ULK2: variants seen among roughly 807,000 people sequenced by gnomAD.
The protein encoded by ULK2 is unc-51 like autophagy activating kinase 2.
In ULK2, 76 loss-of-function variants were observed where a neutral mutation model predicts 127.5. The observed-to-expected ratio is 0.60, with a 90% CI of 0.50 to 0.72. ULK2 has a LOEUF of 0.72. ULK2 is among the 30% of genes least tolerant of loss of function. The pLI is 0.00. For missense variants in ULK2, 1,144 were observed against 1,295.9 expected (o/e 0.88, Z 1.80); for synonymous variants, 452 against 461.9 (o/e 0.98, Z 0.28).
intron 13 of ULK2, among the ~76,000 whole-genome samples, chr17:19,814,323 T>C (rs1225921743): frequency 6.7e-6 from 1 of 150,114 alleles, no homozygotes; most frequent in East Asian, 1.9e-4. Flanking sequence ...AAGTTGTTTG[T>C]ACCAATATAT....
chr17:19,794,653 A>G (rs2087225769), intron 20 of ULK2, among the ~76,000 whole-genome samples: 1 of 152,092 alleles, frequency 6.6e-6, no homozygotes, highest in African/African-American at 2.4e-5. Flanking sequence ...TCTTTGGATT[A>G]GAAAGAAACG....
chr17:19,798,915 C>T (rs1156752806), intron 17 of ULK2, among the ~76,000 whole-genome samples: 1 of 152,112 alleles, frequency 6.6e-6, no homozygotes, highest in Non-Finnish European at 1.5e-5. Context: ...GTAATCCCAG[C>T]ACTTTGGGAG....
intron 10 of ULK2, among the ~76,000 whole-genome samples, chr17:19,831,283 C>T (rs1442754252): frequency 1.3e-5 from 2 of 151,940 alleles, no homozygotes; most frequent in Admixed American, 1.3e-4. Flanking sequence ...TCCCACCAAG[C>T]CCCTCCCCAT....
In ULK2 at chr17:19,771,582, GATACAGGATTGCTGAGCCCTTCCA is replaced by G. The variant is rs1417333706; in HGVS notation, c.*4743_*4766del. Reference sequence around the variant, plus strand: ...CCACAGAGTGATGACCACTACAACGGATACAGGATTGCTGAGCCCTTCCACGTGCCAGGGGCTGGGCAAAGAATT... The same window carrying G: ...CCACAGAGTGATGACCACTACAACGGCGTGCCAGGGGCTGGGCAAAGAATT... On this transcript the variant is annotated 3_prime_UTR_variant, in exon 27 of 27. Coordinates refer to ENST00000395544, the MANE Select transcript of ULK2 (RefSeq NM_014683.4). The G allele has an allele frequency of 2.0e-5, 3 of 152,264 alleles. No individual in the cohort carries two copies. The highest frequency in any genetic ancestry group is 1.3e-4 in the Admixed American group (2 of 15,288). The allele number at this position is 152,264 out of a possible 1,614,324, so 9.4% of individuals were successfully genotyped here. A position where few individuals can be genotyped will look rare whatever the true frequency, so the allele number is the denominator to read the frequency against.
At chr17:19,853,771 C>T (rs1370333487) in intron 3 of ULK2, among the ~76,000 whole-genome samples, 2 of 151,780 alleles carry the variant, frequency 1.3e-5, no homozygotes, top group African/African-American at 2.4e-5. Flanking sequence ...TGGGGTTTCA[C>T]CTTGTTAGCC....
At chr17:19,788,723 G>A (rs2087088382) in intron 20 of ULK2, among the ~76,000 whole-genome samples, 1 of 152,096 alleles carries the variant, frequency 6.6e-6, no homozygotes, top group Admixed American at 6.5e-5. Flanking sequence ...TGAAGGGTGG[G>A]TCTTAGGCCT....
chr17:19,821,228 A>G (rs1234907640), intron 12 of ULK2, among the ~76,000 whole-genome samples: 1 of 152,186 alleles, frequency 6.6e-6, no homozygotes, highest in East Asian at 1.9e-4. Context: ...AATCACTTGA[A>G]CGCGGGAGGC....
At chr17:19,804,547 A>G in intron 15 of ULK2, 146 bp downstream of exon 15, 1 of 748,302 alleles carries the variant, frequency 1.3e-6, no homozygotes, top group Non-Finnish European at 1.9e-6. Context: ...CATCAATTAT[A>G]AAACTTTATT....
At chr17:19,818,968 T>C (rs920122781) in intron 12 of ULK2, among the ~76,000 whole-genome samples, 8 of 151,972 alleles carry the variant, frequency 5.3e-5, no homozygotes, top group Non-Finnish European at 1.2e-4. Flanking sequence ...GCCTGGCTAA[T>C]TTTTGTAGTT....
chr17:19,835,674 G>A (rs1345003266), intron 10 of ULK2, among the ~76,000 whole-genome samples: 5 of 149,470 alleles, frequency 3.3e-5, no homozygotes, highest in East Asian at 2.0e-4. Context: ...CCGAGATCCC[G>A]CCACTGCACT....
At chr17:19,819,479 C>T (rs554204968) in intron 12 of ULK2, among the ~76,000 whole-genome samples, 12 of 152,336 alleles carry the variant, frequency 7.9e-5, no homozygotes, top group African/African-American at 2.9e-4. Context: ...TCACGCTTCA[C>T]TTGTTGTACT....
chr17:19,843,583 G>A (rs1049654919), intron 7 of ULK2, among the ~76,000 whole-genome samples: 1 of 151,812 alleles, frequency 6.6e-6, no homozygotes, highest in Non-Finnish European at 1.5e-5. Context: ...TCCCTCAGGT[G>A]TGTGAGAGGA....
chr17:19,866,809 C>CG (rs1304399595), intron 1 of ULK2, among the ~76,000 whole-genome samples: 2 of 152,024 alleles, frequency 1.3e-5, no homozygotes, highest in Non-Finnish European at 2.9e-5. Context: ...TATCTGACTC[C>CG]GGGGGGGAAA....
At chr17:19,839,252 G>A (rs2041676633) in intron 9 of ULK2, among the ~76,000 whole-genome samples, 1 of 152,016 alleles carries the variant, frequency 6.6e-6, no homozygotes, top group South Asian at 2.1e-4. Flanking sequence ...TCTGGAAAAG[G>A]GCAGCACTTA....
At chr17:19,802,088 A>G (rs542655214) in intron 15 of ULK2, among the ~76,000 whole-genome samples, 166 bp from the exon 16 acceptor site, 2 of 152,276 alleles carry the variant, frequency 1.3e-5, no homozygotes, top group African/African-American at 4.8e-5. Context: ...TCTCCCTCTC[A>G]TTTTTCTATT....
At chr17:19,801,657 G>C in intron 16 of ULK2, 120 bp downstream of exon 16, 1 of 1,302,708 alleles carries the variant, frequency 7.7e-7, no homozygotes, top group Non-Finnish European at 1.1e-6. Context: ...ACGGGGTATG[G>C]CCTCCAATCA....
At chr17:19,781,223 T>C (rs1338117770) in intron 23 of ULK2, 119 bp from the exon 24 acceptor site, 3 of 695,256 alleles carry the variant, frequency 4.3e-6, no homozygotes, top group Non-Finnish European at 7.0e-6. Flanking sequence ...CCTCTTTGAT[T>C]TCTTTTCTTC....
At chr17:19,839,660 CA>C (rs58657992) in intron 9 of ULK2, among the ~76,000 whole-genome samples, 4,653 of 70,234 alleles carry the variant, frequency 0.066, 157 homozygotes, top group African/African-American at 0.17. Flanking sequence ...GACTCTGTCT[CA>C]AAAAAAAAAA....
intron 20 of ULK2, among the ~76,000 whole-genome samples, chr17:19,794,931 T>C (rs553080581): frequency 1.3e-5 from 2 of 152,002 alleles, no homozygotes; most frequent in South Asian, 4.2e-4. Flanking sequence ...ACAAAAAAAT[T>C]AGCCAGGCGT....
Sources: allele counts gnomAD v4.1 joint callset (sites outside exome capture counted in the v4.1 genomes callset), GRCh38; gene constraint gnomAD v4.1.1; transcripts MANE v1.5; gene names NCBI Gene and HGNC (gene_info 2026-07-23, HGNC 2026-07-21).